MTUS2: variants seen among roughly 807,000 people sequenced by gnomAD.
The protein encoded by MTUS2 is microtubule-associated tumor suppressor candidate 2.
Under a neutral mutation model 114.1 loss-of-function variants are expected in MTUS2, and 40 were observed. That is an observed-to-expected ratio of 0.35 (90% CI 0.27 to 0.46). The LOEUF is 0.46. MTUS2 is among the 20% of genes least tolerant of loss of function. MTUS2 has a pLI of 1.00. For synonymous variants in MTUS2, 688 were observed against 672.0 expected (o/e 1.02, Z -0.37); for missense variants, 1,679 against 1,705.4 (o/e 0.98, Z 0.27).
chr13:29,199,312 T>A (rs892178580), intron 5 of MTUS2, among the ~76,000 whole-genome samples: 15 of 152,326 alleles, frequency 9.8e-5, no homozygotes, highest in African/African-American at 3.6e-4. Context: ...TTCAGTGTGA[T>A]ATTGGTTGTG....
rs570638327 is a variant in MTUS2 at position 29,408,292 on chromosome 13, GT to G, written c.3118-31687del. On this transcript the variant is annotated intron_variant, in intron 8 of 15. Coordinates refer to ENST00000612955, the MANE Select transcript of MTUS2 (RefSeq NM_001033602.4). ...ATATTTTGTTATAATCTTTTTAAAT[GT>G]TTTAACATGTTTAATTTCAGGTTTA... Among the ~76,000 whole-genome samples the G allele has an allele frequency of 4.9e-3, 748 of 151,840 alleles. 6 individuals are homozygous for G. Among genetic ancestry groups the G allele is most frequent in the African/African-American group, 0.017 (714 of 41,392 alleles).
intron 14 of MTUS2, among the ~76,000 whole-genome samples, chr13:29,498,832 G>A (rs990697559): frequency 1.2e-4 from 19 of 152,186 alleles, no homozygotes; most frequent in African/African-American, 4.6e-4. Context: ...GGACGTGTGG[G>A]GACCCAGCAC....
chr13:29,389,399 A>ATACACGTGTGTGTG lies in MTUS2; in HGVS notation c.3117+29928_3117+29929insCACGTGTGTGTGTA, dbSNP rs1566172853. On this transcript the variant is annotated intron_variant, in intron 8 of 15. Coordinates refer to ENST00000612955, the MANE Select transcript of MTUS2 (RefSeq NM_001033602.4). Reference sequence around the variant, plus strand: ...TATATATGTATACACGTGTGTGTATATATGTATACACGTGTGTGTGTATGT... The same window carrying ATACACGTGTGTGTG: ...TATATATGTATACACGTGTGTGTATATACACGTGTGTGTGTATGTATACACGTGTGTGTGTATGT... Among the ~76,000 whole-genome samples, 9 of 67,982 alleles carry ATACACGTGTGTGTG rather than the reference A, an allele frequency of 1.3e-4. No individual in the cohort carries two copies. In the South Asian group the frequency reaches 1.5e-3, roughly 11 times the overall value. 44.6% of individuals were successfully genotyped at this position (67,982 alleles called of 152,430 possible).
intron 4 of MTUS2, among the ~76,000 whole-genome samples, chr13:29,064,704 T>A (rs326521): frequency 0.97 from 147,306 of 152,140 alleles, 71,424 homozygotes; most frequent in Non-Finnish European, 1. Context: ...CAGGGGTTTC[T>A]TATACAGATT....
intron 2 of MTUS2, among the ~76,000 whole-genome samples, chr13:28,992,200 C>G (rs934280790): frequency 4.6e-5 from 7 of 152,218 alleles, no homozygotes; most frequent in African/African-American, 7.2e-5. Context: ...AGGGAAGTGT[C>G]TTAGCAGCAA....
At chr13:28,915,552 T>A (rs1880698898) in intron 2 of MTUS2, among the ~76,000 whole-genome samples, 1 of 151,838 alleles carries the variant, frequency 6.6e-6, no homozygotes. Flanking sequence ...TGATCAGTGA[T>A]GCTGAGCACC....
chr13:28,980,159 T>C (rs1884293841), intron 2 of MTUS2, among the ~76,000 whole-genome samples: 1 of 152,244 alleles, frequency 6.6e-6, no homozygotes, highest in African/African-American at 2.4e-5. Flanking sequence ...AAAAGGTAAA[T>C]GTATTGATTT....
chr13:29,347,579 T>C (rs1371942435), intron 7 of MTUS2, among the ~76,000 whole-genome samples: 1 of 151,878 alleles, frequency 6.6e-6, no homozygotes, highest in African/African-American at 2.4e-5. Flanking sequence ...ACACGACACG[T>C]GTGGGGTTTC....
At chr13:29,342,224 T>A (rs976289412) in intron 7 of MTUS2, among the ~76,000 whole-genome samples, 2 of 152,132 alleles carry the variant, frequency 1.3e-5, no homozygotes, top group Non-Finnish European at 2.9e-5. Flanking sequence ...TGCATTGAAT[T>A]TGTAGATTGC....
At chr13:29,324,208 A>G (rs994500014) in intron 6 of MTUS2, among the ~76,000 whole-genome samples, 12 of 152,210 alleles carry the variant, frequency 7.9e-5, no homozygotes, top group African/African-American at 2.4e-4. Flanking sequence ...ATTAGCAGCT[A>G]TGCGCAGCTA....
At chr13:29,369,320 A>G (rs563613801) in intron 8 of MTUS2, among the ~76,000 whole-genome samples, 4 of 152,238 alleles carry the variant, frequency 2.6e-5, no homozygotes, top group Admixed American at 2.0e-4. Flanking sequence ...TCTACAGGAC[A>G]TTGTCTAGAA....
intron 4 of MTUS2, among the ~76,000 whole-genome samples, chr13:29,100,211 A>G (rs1451238412): frequency 6.6e-6 from 1 of 152,186 alleles, no homozygotes; most frequent in Non-Finnish European, 1.5e-5. Context: ...CGTCATTGGG[A>G]GAGCTGATAT....
chr13:29,214,380 G>A (rs1895591343), intron 5 of MTUS2, among the ~76,000 whole-genome samples: 1 of 152,116 alleles, frequency 6.6e-6, no homozygotes, highest in African/African-American at 2.4e-5. Context: ...ATTTTGTTAT[G>A]TGTGAATTAA....
chr13:29,500,969 A>G (rs1043529096), intron 14 of MTUS2, 128 bp from the exon 15 acceptor site: 14 of 656,238 alleles, frequency 2.1e-5, no homozygotes, highest in Admixed American at 2.8e-5. Context: ...AAACCCACTA[A>G]AGCATTGCGA....
intron 8 of MTUS2, among the ~76,000 whole-genome samples, chr13:29,394,531 A>G (rs1873752364): frequency 6.6e-6 from 1 of 152,216 alleles, no homozygotes; most frequent in Non-Finnish European, 1.5e-5. Context: ...CAGGCTTCAG[A>G]GAGAATACAT....
At chr13:29,097,895 A>G (rs371006411) in intron 4 of MTUS2, among the ~76,000 whole-genome samples, 1 of 152,244 alleles carries the variant, frequency 6.6e-6, no homozygotes, top group Non-Finnish European at 1.5e-5. Context: ...CAGTCCATCC[A>G]TAACACTGGA....
intron 5 of MTUS2, among the ~76,000 whole-genome samples, chr13:29,185,932 C>A (rs1198958077): frequency 6.6e-6 from 1 of 152,122 alleles, no homozygotes; most frequent in Non-Finnish European, 1.5e-5. Flanking sequence ...TAAGGCTAGG[C>A]CTGATGGCTC....
intron 8 of MTUS2, among the ~76,000 whole-genome samples, chr13:29,421,668 A>G (rs968913491): frequency 2.0e-5 from 3 of 152,238 alleles, no homozygotes; most frequent in African/African-American, 7.2e-5. Context: ...GATACTTTGT[A>G]GAAGACAAAG....
At chr13:29,228,142 A>C (rs1177176392) in intron 5 of MTUS2, among the ~76,000 whole-genome samples, 2 of 152,224 alleles carry the variant, frequency 1.3e-5, no homozygotes, top group Non-Finnish European at 2.9e-5. Flanking sequence ...ACCACATGTC[A>C]TGGCAAAAAT....
Sources: gnomAD v4.1 joint callset for allele counts (sites outside exome capture counted in the v4.1 genomes callset) on GRCh38, gnomAD v4.1.1 for gene constraint, MANE v1.5 for transcripts, NCBI Gene and HGNC (gene_info 2026-07-23, HGNC 2026-07-21) for gene names.